Variants in FANCA observed in about 807,000 individuals in gnomAD.
FANCA encodes FA complementation group A.
FANCA carries 236 observed loss-of-function variants against 194.3 expected under a neutral mutation model. That is an observed-to-expected ratio of 1.21 (90% CI 1.09 to 1.35). The LOEUF is 1.35. Ranked by LOEUF, FANCA falls within the 40% of genes most tolerant of loss-of-function variation. FANCA has a pLI of 0.00. For missense variants in FANCA, 2,628 were observed against 1,813.9 expected (o/e 1.45, Z -8.15); for synonymous variants, 1,014 against 715.8 (o/e 1.42, Z -6.65).
At chr16:89,816,493 G>T (rs1422536106) in intron 1 of FANCA, 44 bp downstream of exon 1, 4 of 1,451,622 alleles carry the variant, frequency 2.8e-6, no homozygotes, top group Admixed American at 2.4e-5. Flanking sequence ...AAACCGTCCC[G>T]GGCCGGACGC....
At chr16:89,798,556 C>A in intron 10 of FANCA, 2 of 1,135,950 alleles carry the variant, frequency 1.8e-6, no homozygotes, top group Non-Finnish European at 2.2e-6. Flanking sequence ...CCTGCCCACA[C>A]TAGAGGGAAG....
chr16:89,815,837 A>G, intron 2 of FANCA, 40 bp downstream of exon 2: 2 of 1,495,246 alleles, frequency 1.3e-6, no homozygotes, highest in Non-Finnish European at 1.9e-6. Context: ...AAAACCCCGA[A>G]CCTAAATCTG....
In FANCA at chr16:89,746,586, G is replaced by C. The variant is rs527817952; in HGVS notation, c.3511C>G (p.Leu1171Val). 6.2e-7 allele frequency: 1 copy of C among 1,613,610 alleles called. No homozygotes were observed. Among genetic ancestry groups the C allele is most frequent in the African/African-American group, 1.3e-5 (1 of 75,052 alleles). The part of the protein sequence containing the change: ...TKCPLILTSA[L>V]VWWPSLEPVL... ...ACCAAACAAGACAGCTGACCCACCA[G>C]AGCAGAGGTCAAAATTAAGGGGCAT... The change falls in exon 35 of 43, where the codon CTG (leucine) becomes GTG (valine). Residue 1171 changes from leucine to valine, a missense_variant and splice_region_variant. Physicochemically the swap from Leu to Val is conservative, Grantham distance 32. Coordinates refer to ENST00000389301, the MANE Select transcript of FANCA (RefSeq NM_000135.4).
intron 32 of FANCA, 50 bp from the exon 33 acceptor site, chr16:89,748,817 T>A (rs1311924922): frequency 6.7e-7 from 1 of 1,483,450 alleles, no homozygotes; most frequent in African/African-American, 1.4e-5. Context: ...TACACTCTGC[T>A]CCTTCCCAAG....
chr16:89,740,905 T>A lies in FANCA; in HGVS notation c.3766-39A>T, dbSNP rs1178591037. 7 of 1,539,820 alleles carry A rather than the reference T, an allele frequency of 4.5e-6. No homozygotes were observed. The Admixed American group carries it at 1.1e-4, about 24-fold the overall frequency. ...CGTGCACTTATTATTACATTAAAATTACCTGTGCTGTCATTCTAAATAAGG... is the reference window on the plus strand; with the variant it reads ...CGTGCACTTATTATTACATTAAAATAACCTGTGCTGTCATTCTAAATAAGG... On this transcript the variant is annotated intron_variant, in intron 37 of 42. Coordinates refer to ENST00000389301, the MANE Select transcript of FANCA (RefSeq NM_000135.4).
At chr16:89,750,282 C>T (rs2038539063) in intron 31 of FANCA, among the ~76,000 whole-genome samples, 1 of 149,970 alleles carries the variant, frequency 6.7e-6, no homozygotes, top group African/African-American at 2.5e-5. Context: ...GAGATGGAGA[C>T]CATCCTGGCT....
rs2062008902 is a variant in FANCA at position 89,738,097 on chromosome 16, G to A, written c.*504C>T. On this transcript the variant is annotated 3_prime_UTR_variant, in exon 43 of 43. Coordinates refer to ENST00000389301, the MANE Select transcript of FANCA (RefSeq NM_000135.4). ...CCAGTGTGGCCGGCGGTTTGAGAAG[G>A]CCCACAACCTCAATGTACACATGTC... is the stretch of plus-strand genomic sequence containing the variant. 3 of 1,613,998 alleles carry A rather than the reference G, an allele frequency of 1.9e-6. No individual in the cohort carries two copies. Among genetic ancestry groups the A allele is most frequent in the Non-Finnish European group, 1.7e-6 (2 of 1,180,034 alleles).
chr16:89,787,807 A>C (rs2039947065), intron 14 of FANCA, among the ~76,000 whole-genome samples: 1 of 152,036 alleles, frequency 6.6e-6, no homozygotes, highest in African/African-American at 2.4e-5. Flanking sequence ...AATTATATTA[A>C]TTACCCCAAA....
chr16:89,782,734 GC>G, intron 17 of FANCA, 124 bp downstream of exon 17: 1 of 825,284 alleles, frequency 1.2e-6, no homozygotes. Context: ...CCCCAGCTGC[GC>G]CCGAGGCAAG....
intron 28 of FANCA, among the ~76,000 whole-genome samples, chr16:89,764,337 C>A (rs1300414030): frequency 8.5e-5 from 13 of 152,136 alleles, no homozygotes; most frequent in Admixed American, 8.5e-4. Context: ...CAGGGTCTTG[C>A]TGTGTCATCC....
rs1279143315 is a variant in FANCA at position 89,808,908 on chromosome 16, CTATT to C, written c.523-545_523-542del. On this transcript the variant is annotated intron_variant, in intron 5 of 42. Coordinates refer to ENST00000389301, the MANE Select transcript of FANCA (RefSeq NM_000135.4). ...CCTTCTCATCCCCCTAACTCACACT[CTATT>C]TTTTTTTTTTTGAGACAGAGTCGCG... Among the ~76,000 whole-genome samples the C allele has an allele frequency of 1.1e-4, 16 of 151,028 alleles. No homozygotes were observed. In the East Asian group the frequency reaches 2.7e-3, roughly 26 times the overall value.
chr16:89,754,934 C>T (rs1371698117), intron 30 of FANCA, among the ~76,000 whole-genome samples: 1 of 152,108 alleles, frequency 6.6e-6, no homozygotes, highest in Admixed American at 6.6e-5. Flanking sequence ...CCTAGAAAAG[C>T]CAAACCATCC....
intron 10 of FANCA, chr16:89,798,520 T>G: frequency 9.1e-7 from 1 of 1,101,788 alleles, no homozygotes; most frequent in Non-Finnish European, 1.1e-6. Context: ...ATTCTACTGG[T>G]TTCTCAAGAC....
chr16:89,798,312 C>G, intron 10 of FANCA: 1 of 1,019,830 alleles, frequency 9.8e-7, no homozygotes, highest in Non-Finnish European at 1.2e-6. Flanking sequence ...GTCTCTGGCA[C>G]TTTGTTACAG....
At chr16:89,782,795 G>T in intron 17 of FANCA, 64 bp downstream of exon 17, 1 of 1,445,624 alleles carries the variant, frequency 6.9e-7, no homozygotes. Context: ...AGAGTCAAAA[G>T]AAACTGGACC....
rs1052953767 is a variant in FANCA, at chr16:89,791,380, T to G, written c.1359+23A>C. On this transcript the variant is annotated intron_variant, in intron 14 of 42. Coordinates refer to ENST00000389301, the MANE Select transcript of FANCA (RefSeq NM_000135.4). ...CCTTCTGGGAAGATCAGGTATTAGG[T>G]AGCCGATTGGCAGGTCACTTACCTT... 6 of 1,612,688 alleles carry G rather than the reference T, an allele frequency of 3.7e-6. No homozygotes were observed. In the South Asian group the frequency reaches 6.6e-5, roughly 18 times the overall value.
At chr16:89,794,529 C>CT (rs1258066198) in intron 11 of FANCA, among the ~76,000 whole-genome samples, 1 of 152,010 alleles carries the variant, frequency 6.6e-6, no homozygotes, top group Non-Finnish European at 1.5e-5. Context: ...GAGTAAGACT[C>CT]TGTCTCAAAA....
Position 89,761,962 on chromosome 16 carries a change from A to C in FANCA, c.2839T>G (p.Ser947Ala). 4 of 1,613,996 alleles carry C rather than the reference A, an allele frequency of 2.5e-6. No homozygotes were observed. Among genetic ancestry groups the C allele is most frequent in the Non-Finnish European group, 3.4e-6 (4 of 1,179,852 alleles). ...LEIQPEADAL[S>A]DTERQDFHQW... is the part of the protein sequence containing the mutation. ...TTCAACACTTACCGTTCAGTATCTG[A>C]AAGAGCATCAGCTTCAGGTTGAATT... Residue 947 changes from serine to alanine, a missense_variant, in exon 29 of 43, where the codon TCA (serine) becomes GCA (alanine). By Grantham distance (99) the Ser-to-Ala change is moderately conservative. Transcript: ENST00000389301.
intron 3 of FANCA, among the ~76,000 whole-genome samples, chr16:89,813,433 A>G (rs1167325349): frequency 1.3e-5 from 2 of 151,604 alleles, no homozygotes; most frequent in African/African-American, 4.8e-5. Context: ...AAAGTAGACA[A>G]TGCCATTTTC....
Sources: allele counts gnomAD v4.1 joint callset (sites outside exome capture counted in the v4.1 genomes callset), GRCh38; gene constraint gnomAD v4.1.1; transcripts MANE v1.5; gene names NCBI Gene and HGNC (gene_info 2026-07-23, HGNC 2026-07-21).